The following ARL10 variants were observed in gnomAD, a reference collection of about 807,000 sequenced individuals.
ARL10 encodes ADP-ribosylation factor-like protein 10.
Under a neutral mutation model 26.1 loss-of-function variants are expected in ARL10, and 23 were observed. The ratio of observed to expected loss-of-function variants is 0.88; its 90% CI spans 0.63 to 1.25. The LOEUF is 1.25. Among genes scored for constraint, ARL10 ranks in the 50% most tolerant of loss-of-function variants. ARL10 has a pLI of 0.00. For missense variants in ARL10, 300 were observed against 323.6 expected, an observed-to-expected ratio of 0.93 and a Z score of 0.56; for synonymous variants, 138 against 149.1, an observed-to-expected ratio of 0.93 and a Z score of 0.54.
At chr5:176,394,220 A>G (rs992895901) in intron 1 of ARL10, among the ~76,000 whole-genome samples, 3 of 152,238 alleles carry the variant, frequency 2.0e-5, no homozygotes, top group Admixed American at 6.5e-5. Flanking sequence ...TTCAGGGTCC[A>G]GAGGCTCCCC....
downstream of ARL10, among the ~76,000 whole-genome samples, chr5:176,390,735 C>T (rs759812708): frequency 6.6e-6 from 1 of 152,150 alleles, no homozygotes; most frequent in South Asian, 2.1e-4. Context: ...ACGTGAGCCA[C>T]CACGCCCAGC....
downstream of ARL10, among the ~76,000 whole-genome samples, chr5:176,383,684 T>C (rs1157043727): frequency 2.6e-5 from 4 of 152,180 alleles, no homozygotes; most frequent in Non-Finnish European, 5.9e-5. Context: ...CCCAGCCTAG[T>C]GGGGGGACTA....
chr5:176,396,436 C>A, intron 1 of ARL10: 1 of 1,536,638 alleles, frequency 6.5e-7, no homozygotes, highest in Non-Finnish European at 9.0e-7. Flanking sequence ...GGTGGCCATT[C>A]CCTCTCTAGC....
downstream of ARL10, chr5:176,388,745 C>T (rs550071838): frequency 2.8e-3 from 4,310 of 1,558,926 alleles, 10 homozygotes; most frequent in Non-Finnish European, 3.4e-3. Flanking sequence ...TTATTCGTTT[C>T]CCCGCCCCTT....
intron 1 of ARL10, chr5:176,396,405 G>T: frequency 7.7e-7 from 1 of 1,293,626 alleles, no homozygotes; most frequent in Non-Finnish European, 1.1e-6. Context: ...TATCCCACAA[G>T]CAGGAAACTC....
intron 1 of ARL10, chr5:176,388,175 G>T (rs1337321151): frequency 7.8e-7 from 1 of 1,289,938 alleles, no homozygotes; most frequent in East Asian, 2.3e-5. Context: ...CTGACACCTA[G>T]GTCAGTATGG....
intron 3 of ARL10, among the ~76,000 whole-genome samples, chr5:176,370,162 G>T (rs1162943835): frequency 6.6e-6 from 1 of 152,140 alleles, no homozygotes; most frequent in Non-Finnish European, 1.5e-5. Context: ...TGACAATCAT[G>T]ACCTCACTTC....
rs1296520654 is a variant in ARL10, at chr5:176,371,781, C to A, written c.621C>A (p.Ile207=). The change falls in exon 4 of 4, where the codon ATC becomes ATA. Residue 207 remains isoleucine, a synonymous_variant. Transcript: ENST00000310389. ...AGCGGGAGCTGGGTCTACAGGCTAT[C>A]GATAACCAGCGGGAGGTTTTCCTCT... ...ELQRELGLQA[I]DNQREVFLLA... is the part of the protein sequence containing the mutation. The A allele has an allele frequency of 1.2e-6, 2 of 1,614,216 alleles. No homozygotes were observed. Among genetic ancestry groups the A allele is most frequent in the East Asian group, 2.2e-5 (1 of 44,868 alleles).
intron 1 of ARL10, 138 bp from the exon 2 acceptor site, chr5:176,366,242 T>A (rs1340050824): frequency 2.0e-6 from 2 of 1,015,512 alleles, no homozygotes; most frequent in Non-Finnish European, 2.8e-6. Flanking sequence ...GCGGCGTTCG[T>A]CCCACTCATC....
chr5:176,410,324 T>C, the ARL10 span: 13 of 1,609,984 alleles, frequency 8.1e-6, no homozygotes, highest in East Asian at 2.2e-5. Flanking sequence ...AACAAGGAGA[T>C]AGCATTACTC....
In ARL10 at chr5:176,376,113, G is replaced by A. The variant is rs1768688901; in HGVS notation, c.*4218G>A. 1 of 152,278 alleles carries A rather than the reference G, an allele frequency of 6.6e-6. No individual in the cohort carries two copies. The highest frequency in any genetic ancestry group is 2.1e-4 in the South Asian group (1 of 4,834). The allele number at this position is 152,278 out of a possible 1,614,324, so 9.4% of individuals were successfully genotyped here. A position where few individuals can be genotyped will look rare whatever the true frequency, so the allele number is the denominator to read the frequency against. ...GCGGTGGCTCACGCCTGTAATCCCA[G>A]CACTCTGGGAGGCTGAGGTGGACGG... On this transcript the variant is annotated 3_prime_UTR_variant, in exon 4 of 4. Transcript: ENST00000310389.
intron 3 of ARL10, chr5:176,369,235 T>G (rs1011060350): frequency 6.9e-7 from 1 of 1,458,150 alleles, no homozygotes; most frequent in Admixed American, 2.2e-5. Context: ...TGGTGTTTTG[T>G]TTTTGTTTTT....
Position 176,373,121 on chromosome 5 carries a change from T to C in ARL10, c.*1226T>C. The C allele has an allele frequency of 2.5e-6, 1 of 398,524 alleles. No homozygotes were observed. Among genetic ancestry groups the C allele is most frequent in the Non-Finnish European group, 4.4e-6 (1 of 226,056 alleles). The allele number at this position is 398,524 out of a possible 1,614,324, so 24.7% of individuals were successfully genotyped here. ...TGACTCTGGGAGAGGATTTCCCTTA[T>C]GTGAATCTAGGTAAAAAGATGGAAA... On this transcript the variant is annotated 3_prime_UTR_variant, in exon 4 of 4. Transcript: ENST00000310389.
chr5:176,414,400 A>G, the ARL10 span, among the ~76,000 whole-genome samples: 1 of 149,722 alleles, frequency 6.7e-6, no homozygotes, highest in African/African-American at 2.5e-5. Flanking sequence ...CCCACATCCT[A>G]TCTCCTGCCA....
Position 176,388,338 on chromosome 5 carries a change from TG to T in ARL10, c.83del (p.Gly28GlufsTer50). 1 of 1,614,134 alleles carries T rather than the reference TG, an allele frequency of 6.2e-7. No individual in the cohort carries two copies. The highest frequency in any genetic ancestry group is 1.1e-5 in the South Asian group (1 of 91,082). On this transcript the variant is annotated frameshift_variant, in exon 2 of 2. Transcript: ENST00000503175. LOFTEE classifies it low-confidence loss of function (END_TRUNC). ...AGCGTGGTCCCAGGCATGTCGGATG[TG>T]GGAGCTACCGGCAAAGAGAGACATC...
intron 1 of ARL10, chr5:176,386,940 G>T: frequency 6.2e-7 from 1 of 1,600,294 alleles, no homozygotes; most frequent in Non-Finnish European, 8.6e-7. Context: ...GAGACCAGAA[G>T]GATCTTTGAT....
At position 176,380,392 on chromosome 5, in the gene ARL10, G is replaced by A. The variant is rs559383224; in HGVS notation, c.*8497G>A. ...CAGTTTTATTTAAAGTTTCCTCATC[G>A]TGGCCATTTTAATTCTAAGTTGTTC... On this transcript the variant is annotated 3_prime_UTR_variant, in exon 4 of 4. Coordinates refer to ENST00000310389, the MANE Select transcript of ARL10 (RefSeq NM_173664.6). 5 of 150,444 alleles carry A rather than the reference G, an allele frequency of 3.3e-5. No individual in the cohort carries two copies. Among genetic ancestry groups the A allele is most frequent in the South Asian group, 2.1e-4 (1 of 4,770 alleles). The allele number at this position is 150,444 out of a possible 1,614,324, so 9.3% of individuals were successfully genotyped here. A position where few individuals can be genotyped will look rare whatever the true frequency, so the allele number is the denominator to read the frequency against.
chr5:176,366,372 C>A lies in ARL10; in HGVS notation c.184-8C>A. The A allele has an allele frequency of 6.2e-7, 1 of 1,603,600 alleles. No individual in the cohort carries two copies. On this transcript the variant is annotated splice_polypyrimidine_tract_variant and splice_region_variant and intron_variant, in intron 1 of 3. Coordinates refer to ENST00000310389, the MANE Select transcript of ARL10 (RefSeq NM_173664.6). ...GCCAGCCGCAACCTTACCTCCGCTT[C>A]CCCGCAGCCCGAGGACGAGGAGGAC...
At chr5:176,385,194 C>T, downstream of ARL10, 2 of 1,386,708 alleles carry the variant, frequency 1.4e-6, no homozygotes, top group Non-Finnish European at 2.1e-6. Flanking sequence ...GCCTTCCCAG[C>T]CAGCCCACGG....
Sources: gnomAD v4.1 joint callset for allele counts (sites outside exome capture counted in the v4.1 genomes callset) on GRCh38, gnomAD v4.1.1 for gene constraint, MANE v1.5 for transcripts, NCBI Gene and HGNC (gene_info 2026-07-23, HGNC 2026-07-21) for gene names.